STAG1: variants seen among roughly 807,000 people sequenced by gnomAD.
The protein encoded by STAG1 is STAG1 cohesin complex component, also known as cohesin subunit SA-1.
Under a neutral mutation model 170.9 loss-of-function variants are expected in STAG1, and 26 were observed. That is an observed-to-expected ratio of 0.15 (90% CI 0.11 to 0.21). STAG1 has a LOEUF of 0.21. STAG1 is among the 10% of genes least tolerant of loss of function. The pLI, the probability that STAG1 is intolerant of heterozygous loss-of-function variation, is 1.00. For missense variants in STAG1, 964 were observed against 1,509.5 expected, an observed-to-expected ratio of 0.64 and a Z score of 5.99; for synonymous variants, 514 against 497.7, an observed-to-expected ratio of 1.03 and a Z score of -0.44.
intron 21 of STAG1, among the ~76,000 whole-genome samples, chr3:136,404,261 G>C (rs2087417356): frequency 6.6e-6 from 1 of 152,132 alleles, no homozygotes; most frequent in South Asian, 2.1e-4. Flanking sequence ...TCAAATGACA[G>C]CAAGTCATTA....
chr3:136,564,515 T>C (rs989601297), intron 5 of STAG1, among the ~76,000 whole-genome samples: 2 of 152,226 alleles, frequency 1.3e-5, no homozygotes, highest in Admixed American at 6.5e-5. Context: ...TCTTTTCATA[T>C]GTTCTAAGAT....
intron 1 of STAG1, among the ~76,000 whole-genome samples, chr3:136,708,715 G>C (rs1280913486): frequency 3.9e-5 from 6 of 152,056 alleles, no homozygotes; most frequent in African/African-American, 1.4e-4. Context: ...TACTATGTTG[G>C]TATTACTACT....
chr3:136,647,505 G>A (rs1941075063), intron 1 of STAG1, among the ~76,000 whole-genome samples: 1 of 152,058 alleles, frequency 6.6e-6, no homozygotes, highest in Non-Finnish European at 1.5e-5. Context: ...GGAGGCAGAG[G>A]TTGCTGTGAG....
rs1272994797 is a variant in STAG1 at position 136,547,153 on chromosome 3, T to C, written c.395-4958A>G. On this transcript the variant is annotated intron_variant, in intron 5 of 33. Transcript: ENST00000383202. Reference sequence around the variant, plus strand: ...AAAAAATATGCTTTCTATTTTAGAATAGTTTTAGACTAACAGAAAAGTTAC... The same window carrying C: ...AAAAAATATGCTTTCTATTTTAGAACAGTTTTAGACTAACAGAAAAGTTAC... Among the ~76,000 whole-genome samples the C allele has an allele frequency of 5.9e-5, 9 of 152,344 alleles. No individual in the cohort carries two copies. The East Asian group carries it at 1.5e-3, about 26-fold the overall frequency.
chr3:136,596,415 G>T (rs1451289344), intron 4 of STAG1, among the ~76,000 whole-genome samples: 1 of 151,642 alleles, frequency 6.6e-6, no homozygotes, highest in Non-Finnish European at 1.5e-5. Context: ...ACGTACATTG[G>T]TTTTTTTTCA....
At chr3:136,369,366 A>C in intron 23 of STAG1, 84 bp from the exon 24 acceptor site, 1 of 1,151,242 alleles carries the variant, frequency 8.7e-7, no homozygotes, top group Non-Finnish European at 1.2e-6. Context: ...TGAAATTAAA[A>C]CATAGTTTAA....
intron 1 of STAG1, among the ~76,000 whole-genome samples, chr3:136,644,942 C>A (rs1940947119): frequency 6.6e-6 from 1 of 152,024 alleles, no homozygotes; most frequent in Non-Finnish European, 1.5e-5. Context: ...ATTGCCCAGG[C>A]TGGTGTCGAA....
chr3:136,460,551 G>A (rs747274487), intron 13 of STAG1, among the ~76,000 whole-genome samples: 3 of 152,088 alleles, frequency 2.0e-5, no homozygotes, highest in East Asian at 1.9e-4. Flanking sequence ...GCAGTAAGCC[G>A]AGACTGTGCC....
At chr3:136,656,354 G>A (rs534127912) in intron 1 of STAG1, among the ~76,000 whole-genome samples, 97 of 152,136 alleles carry the variant, frequency 6.4e-4, no homozygotes, top group African/African-American at 2.3e-3. Context: ...TACATACAGC[G>A]GTGATGGCTG....
At chr3:136,591,752 G>T (rs1938194444) in intron 4 of STAG1, among the ~76,000 whole-genome samples, 2 of 152,056 alleles carry the variant, frequency 1.3e-5, no homozygotes, top group Non-Finnish European at 1.5e-5. Context: ...ATAATTAAAA[G>T]AACTAAATGC....
chr3:136,384,089 G>A (rs999747474), intron 22 of STAG1, among the ~76,000 whole-genome samples: 9 of 152,050 alleles, frequency 5.9e-5, no homozygotes, highest in African/African-American at 1.7e-4. Flanking sequence ...TAACCAGTAT[G>A]CTATAATGAC....
At chr3:136,526,502 A>G (rs958135985) in intron 6 of STAG1, among the ~76,000 whole-genome samples, 95 of 152,154 alleles carry the variant, frequency 6.2e-4, no homozygotes, top group African/African-American at 2.2e-3. Flanking sequence ...TGCACTTGAG[A>G]TGGGTCTCCT....
chr3:136,463,733 A>ATGTGTGTG (rs1470936669), intron 13 of STAG1, among the ~76,000 whole-genome samples: 36 of 42,408 alleles, frequency 8.5e-4, no homozygotes, highest in African/African-American at 2.6e-3. Flanking sequence ...AAAAATGTGT[A>ATGTGTGTG]TATGTGTGTG....
At chr3:136,358,700 A>C (rs1247634946) in intron 27 of STAG1, among the ~76,000 whole-genome samples, 1 of 152,054 alleles carries the variant, frequency 6.6e-6, no homozygotes, top group African/African-American at 2.4e-5. Flanking sequence ...TCAGCTTCCC[A>C]AGTAGCTAGG....
chr3:136,350,786 A>G (rs1223365430), intron 28 of STAG1, among the ~76,000 whole-genome samples: 1 of 152,208 alleles, frequency 6.6e-6, no homozygotes, highest in African/African-American at 2.4e-5. Context: ...TTGGAATGAA[A>G]TGTAGAAAAT....
chr3:136,413,823 TAGG>T (rs1282105004), intron 21 of STAG1, among the ~76,000 whole-genome samples: 2 of 152,060 alleles, frequency 1.3e-5, no homozygotes, highest in Non-Finnish European at 2.9e-5. Context: ...GATAAATCAC[TAGG>T]AGGAGAAAAA....
chr3:136,684,883 C>A (rs1436959497), intron 1 of STAG1, among the ~76,000 whole-genome samples: 4 of 151,494 alleles, frequency 2.6e-5, no homozygotes, highest in African/African-American at 7.3e-5. Context: ...ACATTAAAGA[C>A]CCAAATGTAA....
At chr3:136,589,575 T>G (rs1022823762) in intron 4 of STAG1, among the ~76,000 whole-genome samples, 1 of 143,308 alleles carries the variant, frequency 7.0e-6, no homozygotes, top group African/African-American at 2.7e-5. Flanking sequence ...AGGCGGAGGT[T>G]GCAGTGAGCC....
intron 6 of STAG1, among the ~76,000 whole-genome samples, chr3:136,527,391 C>G (rs780468356): frequency 6.6e-6 from 1 of 152,202 alleles, no homozygotes; most frequent in African/African-American, 2.4e-5. Context: ...GAATCAGCTA[C>G]TGAAGCTTGT....
Sources: allele counts gnomAD v4.1 joint callset (sites outside exome capture counted in the v4.1 genomes callset), GRCh38; gene constraint gnomAD v4.1.1; transcripts MANE v1.5; gene names NCBI Gene and HGNC (gene_info 2026-07-23, HGNC 2026-07-21).